The following SLC22A16 variants were observed in gnomAD, a reference collection of about 807,000 sequenced individuals.
SLC22A16 encodes the protein WUGSC:RG331P03.1.
Under a neutral mutation model 52.9 loss-of-function variants are expected in SLC22A16, and 53 were observed. The ratio of observed to expected loss-of-function variants is 1.00; its 90% CI spans 0.80 to 1.26. The LOEUF is 1.26. Ranked by LOEUF, SLC22A16 falls within the 50% of genes most tolerant of loss-of-function variation. SLC22A16 has a pLI of 0.00. For missense variants in SLC22A16, 726 were observed against 704.0 expected (o/e 1.03, Z -0.35); for synonymous variants, 291 against 268.8 (o/e 1.08, Z -0.81).
At chr6:110,450,438 C>G (rs2114965877) in intron 2 of SLC22A16, among the ~76,000 whole-genome samples, 1 of 151,814 alleles carries the variant, frequency 6.6e-6, no homozygotes, top group East Asian at 1.9e-4. Context: ...ATGGTGAAAC[C>G]CCTACTCTGC....
chr6:110,476,347 G>A lies in SLC22A16; in HGVS notation c.53+175C>T, dbSNP rs903057077. The A allele has an allele frequency of 1.0e-4, 141 of 1,385,290 alleles. 1 individual carries two copies. Among genetic ancestry groups the A allele is most frequent in the Non-Finnish European group, 5.3e-5 (57 of 1,074,380 alleles). 85.8% of individuals were successfully genotyped at this position (1,385,290 alleles called of 1,614,324 possible). ...AGGTCCCGCTGCCAGAGGCCTAGAG[G>A]AGAAGCCCAGCTAGGGGCCGGCGTC... On this transcript the variant is annotated intron_variant, in intron 1 of 7. Transcript: ENST00000368919.
At chr6:110,465,542 G>A (rs1776032146) in intron 1 of SLC22A16, among the ~76,000 whole-genome samples, 1 of 151,886 alleles carries the variant, frequency 6.6e-6, no homozygotes, top group East Asian at 1.9e-4. Flanking sequence ...ATTTATTATA[G>A]CCACACAAAC....
Position 110,456,627 on chromosome 6 carries a change from A to T in SLC22A16, c.444T>A (p.Cys148Ter), listed in dbSNP as rs201946912. 4.9e-4 allele frequency: 792 copies of T among 1,614,198 alleles called. 1 individual carries two copies. Among genetic ancestry groups the T allele is most frequent in the Non-Finnish European group, 6.4e-4 (756 of 1,180,036 alleles). ...STAVTQWNLV[C>*]DRKWLAMLIQ... ...TCAGCATTGCAAGCCATTTTCGGTC[A>T]CAGACCAGGTTCCACTGGGTCACCG... Residue 148 changes from cysteine (C) to a stop codon, truncating the protein, a stop_gained, in exon 2 of 8, where the codon TGT (cysteine) becomes TGA (stop). Transcript: ENST00000368919. LOFTEE classifies it high-confidence loss of function.
chr6:110,471,247 C>T (rs1409794460), intron 1 of SLC22A16, among the ~76,000 whole-genome samples: 5 of 152,174 alleles, frequency 3.3e-5, no homozygotes, highest in Non-Finnish European at 7.3e-5. Flanking sequence ...AGTACAATAA[C>T]ATGCTGTGCA....
rs551302003 is a variant in SLC22A16, at chr6:110,457,404, G to C, written c.54-387C>G. Among the ~76,000 whole-genome samples, 3 of 152,252 alleles carry C rather than the reference G, an allele frequency of 2.0e-5. No individual in the cohort carries two copies. The South Asian group carries it at 6.2e-4, about 32-fold the overall frequency. ...AAATACTCAAAAAACAAAAGGATAA[G>C]GGCATATGAAAGGGGCCCAAGTAGC... On this transcript the variant is annotated intron_variant, in intron 1 of 7. Coordinates refer to ENST00000368919, the MANE Select transcript of SLC22A16 (RefSeq NM_033125.4).
intron 1 of SLC22A16, among the ~76,000 whole-genome samples, chr6:110,475,201 C>T (rs574231102): frequency 6.6e-6 from 1 of 152,276 alleles, no homozygotes; most frequent in East Asian, 1.9e-4. Flanking sequence ...CTTGGCCCAG[C>T]TGAGGAGCCG....
chr6:110,446,336 A>G (rs572244645), intron 3 of SLC22A16, among the ~76,000 whole-genome samples: 2 of 152,334 alleles, frequency 1.3e-5, no homozygotes, highest in Non-Finnish European at 2.9e-5. Context: ...ATAATAATAA[A>G]CACAGATTCT....
chr6:110,446,373 A>G (rs1454687008), intron 3 of SLC22A16, among the ~76,000 whole-genome samples: 1 of 152,186 alleles, frequency 6.6e-6, no homozygotes, highest in Non-Finnish European at 1.5e-5. Flanking sequence ...ACTGCAACCA[A>G]AGGTTCAAAG....
At chr6:110,463,982 A>G (rs1775981088) in intron 1 of SLC22A16, among the ~76,000 whole-genome samples, 2 of 152,034 alleles carry the variant, frequency 1.3e-5, no homozygotes, top group Non-Finnish European at 2.9e-5. Context: ...AGAAATCAAT[A>G]CCAAGAGAAA....
rs563494634 is a variant in SLC22A16, at chr6:110,429,682, G to A, written c.1521+1489C>T. Among the ~76,000 whole-genome samples the A allele has an allele frequency of 1.1e-4, 16 of 152,298 alleles. No homozygotes were observed. The East Asian group carries it at 2.7e-3, about 26-fold the overall frequency. ...TGCAAAGCACAACAGCCTGACTGGG[G>A]CGATGAAGACACACGCACAAATAAT... On this transcript the variant is annotated intron_variant, in intron 7 of 7. Coordinates refer to ENST00000368919, the MANE Select transcript of SLC22A16 (RefSeq NM_033125.4).
chr6:110,431,833 G>T (rs1273062142), intron 6 of SLC22A16, among the ~76,000 whole-genome samples: 1 of 152,204 alleles, frequency 6.6e-6, no homozygotes, highest in East Asian at 1.9e-4. Flanking sequence ...ACAAAAAAGA[G>T]GTAGGAGTGT....
chr6:110,451,939 T>A (rs1360441058), intron 2 of SLC22A16, among the ~76,000 whole-genome samples: 4 of 152,240 alleles, frequency 2.6e-5, no homozygotes, highest in Non-Finnish European at 5.9e-5. Context: ...GCTGTTGTAC[T>A]GTAAAATGTT....
Position 110,456,552 on chromosome 6 carries a change from G to A in SLC22A16, c.519C>T (p.Gly173=). ...TTTGATTTTACCTGTCAGAAAAGTA[G>A]CCAAAAGTCACCGATCCCAGTAGGA... ...FGVLLGSVTF[G]YFSDRLGRRV... is the part of the protein sequence containing the mutation. Residue 173 remains glycine, a synonymous_variant, in exon 2 of 8, where the codon GGC becomes GGT. Coordinates refer to ENST00000368919, the MANE Select transcript of SLC22A16 (RefSeq NM_033125.4). 4 of 1,613,864 alleles carry A rather than the reference G, an allele frequency of 2.5e-6. No individual in the cohort carries two copies. The highest frequency in any genetic ancestry group is 3.4e-6 in the Non-Finnish European group (4 of 1,179,804).
chr6:110,454,795 TA>T (rs1310457712), intron 2 of SLC22A16, among the ~76,000 whole-genome samples: 1 of 53,110 alleles, frequency 1.9e-5, no homozygotes, highest in African/African-American at 8.9e-5. Flanking sequence ...TATATAAATA[TA>T]TATAATATAT....
intron 2 of SLC22A16, among the ~76,000 whole-genome samples, chr6:110,447,430 C>A (rs548976024): frequency 6.6e-6 from 1 of 152,024 alleles, no homozygotes; most frequent in South Asian, 2.1e-4. Context: ...TGCTTACTTG[C>A]CCTATCTTTT....
At chr6:110,433,083 G>C (rs1455902817) in intron 6 of SLC22A16, among the ~76,000 whole-genome samples, 4 of 152,060 alleles carry the variant, frequency 2.6e-5, no homozygotes, top group African/African-American at 4.8e-5. Context: ...TTTATTATTA[G>C]ACTGCGAGAG....
Position 110,442,335 on chromosome 6 carries a change from T to C in SLC22A16, c.1092A>G (p.Leu364=). 1 of 1,614,178 alleles carries C rather than the reference T, an allele frequency of 6.2e-7. No individual in the cohort carries two copies. The highest frequency in any genetic ancestry group is 8.5e-7 in the Non-Finnish European group (1 of 1,180,026). The change falls in exon 4 of 8, where the codon CTA becomes CTG. Residue 364 remains leucine, a synonymous_variant. Coordinates refer to ENST00000368919, the MANE Select transcript of SLC22A16 (RefSeq NM_033125.4). ...ATCCCAAACTTCCAGTGAACCAGAT[T>C]AGCCAAACGGTAAGTGTCCTTTTCG... ...SITKRTLTVW[L]IWFTGSLGFY...
Position 110,456,744 on chromosome 6 carries a change from T to C in SLC22A16, c.327A>G (p.Thr109=), listed in dbSNP as rs1230456939. 6 of 1,614,188 alleles carry C rather than the reference T, an allele frequency of 3.7e-6. No homozygotes were observed. Among genetic ancestry groups the C allele is most frequent in the South Asian group, 1.1e-5 (1 of 91,088 alleles). ...SRCSRNKREN[T]SSLGYEYTGS... ...CAGTGTATTCATAGCCCAAACTCGA[T>C]GTGTTCTCCCTCTTATTCCTGCTAC... The change falls in exon 2 of 8, where the codon ACA becomes ACG. Residue 109 remains threonine, a synonymous_variant. Transcript: ENST00000368919.
intron 1 of SLC22A16, among the ~76,000 whole-genome samples, chr6:110,472,772 G>A (rs937873535): frequency 1.2e-4 from 19 of 152,174 alleles, no homozygotes; most frequent in African/African-American, 4.6e-4. Flanking sequence ...CAGGCTTATA[G>A]ATATGACACT....
Sources: allele counts gnomAD v4.1 joint callset (sites outside exome capture counted in the v4.1 genomes callset), GRCh38; gene constraint gnomAD v4.1.1; transcripts MANE v1.5; gene names NCBI Gene and HGNC (gene_info 2026-07-23, HGNC 2026-07-21).